The following SRPRB variants were observed in gnomAD, a reference collection of about 807,000 sequenced individuals.
SRPRB encodes SRP receptor subunit beta.
In SRPRB, 20 loss-of-function variants were observed where a neutral mutation model predicts 31.9. The ratio of observed to expected loss-of-function variants is 0.63; its 90% CI spans 0.44 to 0.91. SRPRB has a LOEUF of 0.91. Ranked by LOEUF, SRPRB falls within the 40% of genes least tolerant of loss-of-function variation. The pLI is 0.00. For missense variants in SRPRB, 321 were observed against 324.9 expected, an observed-to-expected ratio of 0.99 and a Z score of 0.09; for synonymous variants, 146 against 132.8, an observed-to-expected ratio of 1.10 and a Z score of -0.68.
At position 133,797,591 on chromosome 3, in the gene SRPRB, G is replaced by T. The variant is rs180969152; in HGVS notation, c.-173-8085G>T. Among the ~76,000 whole-genome samples the T allele has an allele frequency of 2.0e-3, 306 of 152,308 alleles. 2 individuals carry two copies. The highest frequency in any genetic ancestry group is 4.7e-4 in the Non-Finnish European group (32 of 68,016). On this transcript the variant is annotated intron_variant, in intron 1 of 7. Coordinates refer to the SRPRB transcript ENST00000466490. ...ATTTCCTAGGGATGGTTGCATTTGA[G>T]AATGGAATTTTTAAACTTGATGCTG... is the stretch of plus-strand genomic sequence containing the variant.
upstream of SRPRB, among the ~76,000 whole-genome samples, chr3:133,802,984 C>T (rs1935085025): frequency 6.6e-6 from 1 of 152,172 alleles, no homozygotes; most frequent in African/African-American, 2.4e-5. Context: ...TAGGATGCAG[C>T]CTTGATAACA....
intron 4 of SRPRB, among the ~76,000 whole-genome samples, chr3:133,811,729 C>T (rs1935266439): frequency 1.3e-5 from 2 of 151,720 alleles, no homozygotes; most frequent in East Asian, 3.9e-4. Flanking sequence ...ATTACAGGCA[C>T]GCACCACCAC....
intron 1 of SRPRB, chr3:133,789,873 G>A (rs1028626580): frequency 1.0e-5 from 1 of 99,212 alleles, no homozygotes; most frequent in Non-Finnish European, 1.9e-5. Flanking sequence ...AAACGATCTC[G>A]TTTGCGTTTT....
At position 133,811,090 on chromosome 3, in the gene SRPRB, C is replaced by T. The variant is rs554256577; in HGVS notation, c.328-27C>T. ...TTGTGAACGTGGAACTGTATTGAAACGTTAATGTTATTGCTGCCATCCCCA... is the reference window on the plus strand; with the variant it reads ...TTGTGAACGTGGAACTGTATTGAAATGTTAATGTTATTGCTGCCATCCCCA... On this transcript the variant is annotated intron_variant, in intron 3 of 6. Transcript: ENST00000678299. The T allele has an allele frequency of 1.2e-4, 191 of 1,610,826 alleles. 4 individuals are homozygous for T. The South Asian group carries it at 1.6e-3, about 14-fold the overall frequency.
At chr3:133,792,512 T>A (rs1414081332) in intron 1 of SRPRB, 2 of 152,150 alleles carry the variant, frequency 1.3e-5, no homozygotes, top group African/African-American at 4.8e-5. Context: ...AGACCTTAAG[T>A]GTACTTCTCT....
At chr3:133,818,615 A>G (rs1281479746) in intron 6 of SRPRB, among the ~76,000 whole-genome samples, 2 of 152,182 alleles carry the variant, frequency 1.3e-5, no homozygotes, top group African/African-American at 4.8e-5. Context: ...ATTGTAAAAT[A>G]TCTTACTTAT....
intron 5 of SRPRB, among the ~76,000 whole-genome samples, chr3:133,815,963 T>TA (rs1261314026): frequency 1.3e-5 from 2 of 152,228 alleles, no homozygotes; most frequent in African/African-American, 4.8e-5. Context: ...TTTTCTTTGA[T>TA]ACAGTGTTTT....
downstream of SRPRB, chr3:133,826,656 CATATAAAGT>C (rs1314204820): frequency 6.5e-6 from 1 of 152,672 alleles, no homozygotes; most frequent in Non-Finnish European, 1.5e-5. Context: ...CACACCCGTG[CATATAAAGT>C]ACATAGAGAA....
At chr3:133,822,646 G>A (rs965061262), downstream of SRPRB, among the ~76,000 whole-genome samples, 16 of 152,152 alleles carry the variant, frequency 1.1e-4, no homozygotes, top group African/African-American at 3.1e-4. Context: ...TGTATGAAGC[G>A]CTGGCCATGC....
upstream of SRPRB, among the ~76,000 whole-genome samples, chr3:133,803,890 A>C (rs1287769383): frequency 6.6e-6 from 1 of 151,438 alleles, no homozygotes; most frequent in Non-Finnish European, 1.5e-5. Flanking sequence ...AGGTTAGGAG[A>C]TCGAGACCAT....
At chr3:133,814,735 G>A (rs370591738) in intron 4 of SRPRB, among the ~76,000 whole-genome samples, 34 of 152,268 alleles carry the variant, frequency 2.2e-4, no homozygotes, top group East Asian at 1.2e-3. Flanking sequence ...CACCGCACCC[G>A]GCCCCCTAAG....
At chr3:133,825,436 A>G (rs1019771536), downstream of SRPRB, 2 of 152,236 alleles carry the variant, frequency 1.3e-5, no homozygotes, top group Non-Finnish European at 2.9e-5. Flanking sequence ...AGACCTGGGA[A>G]CATGACTGAA....
chr3:133,800,513 A>C (rs2107963523), intron 1 of SRPRB, among the ~76,000 whole-genome samples: 1 of 152,338 alleles, frequency 6.6e-6, no homozygotes, highest in African/African-American at 2.4e-5. Flanking sequence ...CTGCCTGGCC[A>C]GATGTCTGTG....
At chr3:133,791,240 T>C (rs1001504230) in intron 1 of SRPRB, 3 of 152,202 alleles carry the variant, frequency 2.0e-5, no homozygotes, top group Non-Finnish European at 2.9e-5. Flanking sequence ...ATTCTGTTTA[T>C]GATACTTTAA....
In SRPRB at chr3:133,805,915, C is replaced by A; in HGVS notation, c.67C>A (p.Leu23Ile). 1 of 1,614,094 alleles carries A rather than the reference C, an allele frequency of 6.2e-7. No homozygotes were observed. Among genetic ancestry groups the A allele is most frequent in the African/African-American group, 1.3e-5 (1 of 75,066 alleles). ...TGCCGGGGGCACCTTCCAGCCCTAC[C>A]TAGACACCTTGCGGCAGGAGCTGCA... Reference protein sequence around the residue: ...GGAGGTFQPYLDTLRQELQQT... With the variant: ...GGAGGTFQPYIDTLRQELQQT... The change falls in exon 1 of 7, where the codon CTA (leucine) becomes ATA (isoleucine). Residue 23 changes from leucine to isoleucine, a missense_variant. Coordinates refer to ENST00000678299, the MANE Select transcript of SRPRB (RefSeq NM_001379313.1).
chr3:133,806,474 C>T, intron 1 of SRPRB, 135 bp from the exon 2 acceptor site: 2 of 665,328 alleles, frequency 3.0e-6, no homozygotes, highest in South Asian at 3.9e-5. Flanking sequence ...GCAATAGTAA[C>T]CATTATGATA....
At chr3:133,814,132 ATTTT>A (rs928130359) in intron 4 of SRPRB, among the ~76,000 whole-genome samples, 2 of 137,846 alleles carry the variant, frequency 1.5e-5, no homozygotes, top group Admixed American at 7.3e-5. Flanking sequence ...TAAGGCTTGT[ATTTT>A]TTTTTTTTTT....
chr3:133,793,524 T>C (rs1370153641), intron 1 of SRPRB: 2 of 152,192 alleles, frequency 1.3e-5, no homozygotes, highest in Non-Finnish European at 2.9e-5. Flanking sequence ...TTCTTCAGGT[T>C]ATATTTTAGT....
intron 3 of SRPRB, among the ~76,000 whole-genome samples, chr3:133,809,586 C>A (rs879679644): frequency 1.3e-5 from 2 of 151,604 alleles, no homozygotes; most frequent in Non-Finnish European, 2.9e-5. Context: ...TCATCTAGTA[C>A]CTGCACTAGA....
Sources: allele counts gnomAD v4.1 joint callset (sites outside exome capture counted in the v4.1 genomes callset), GRCh38; gene constraint gnomAD v4.1.1; transcripts MANE v1.5; gene names NCBI Gene and HGNC (gene_info 2026-07-23, HGNC 2026-07-21).